The following FCHO2 variants were observed in gnomAD, a reference collection of about 807,000 sequenced individuals.
FCHO2 encodes the protein FCH and mu domain containing endocytic adaptor 2, also known as F-BAR domain only protein 2.
A neutral mutation model predicts 114.1 loss-of-function variants in FCHO2; 43 were observed. The observed-to-expected ratio is 0.38, with a 90% confidence interval of 0.30 to 0.49. The LOEUF (loss-of-function observed/expected upper bound fraction) is 0.49, where lower values mean the gene tolerates loss of function less well. Among genes scored for constraint, FCHO2 ranks in the 20% least tolerant of loss-of-function variants. FCHO2 has a pLI of 0.97. For synonymous variants in FCHO2, 293 were observed against 315.2 expected (o/e 0.93, Z 0.75); for missense variants, 807 against 950.4 (o/e 0.85, Z 1.98).
intron 18 of FCHO2, 106 bp downstream of exon 18, chr5:73,064,050 C>T (rs1757959305): frequency 9.5e-7 from 1 of 1,053,464 alleles, no homozygotes; most frequent in Non-Finnish European, 1.4e-6. Context: ...GTTTTCTACC[C>T]ATGTCCTCAC....
At chr5:73,052,662 G>A in intron 13 of FCHO2, 155 bp downstream of exon 13, 1 of 649,006 alleles carries the variant, frequency 1.5e-6, no homozygotes, top group Non-Finnish European at 2.4e-6. Context: ...TTGTGAATTT[G>A]GCTTAATTTT....
At chr5:73,074,236 G>A (rs533584585) in intron 19 of FCHO2, among the ~76,000 whole-genome samples, 2 of 150,972 alleles carry the variant, frequency 1.3e-5, no homozygotes, top group Non-Finnish European at 2.9e-5. Context: ...CAAATATTGA[G>A]GCAAAGTAAT....
chr5:73,057,426 A>C (rs1247282800), intron 16 of FCHO2, among the ~76,000 whole-genome samples: 6 of 152,142 alleles, frequency 3.9e-5, no homozygotes, highest in Non-Finnish European at 8.8e-5. Context: ...TACGAGGTAT[A>C]GTGTGCTTTC....
chr5:73,009,494 A>G (rs569806510), intron 6 of FCHO2, among the ~76,000 whole-genome samples: 1 of 152,254 alleles, frequency 6.6e-6, no homozygotes, highest in South Asian at 2.1e-4. Context: ...TTTTTCCAAA[A>G]TGGCATTTTA....
At chr5:73,024,483 A>G (rs932618547) in intron 8 of FCHO2, among the ~76,000 whole-genome samples, 6 of 151,048 alleles carry the variant, frequency 4.0e-5, no homozygotes, top group Non-Finnish European at 8.8e-5. Flanking sequence ...TCCGTCGCCC[A>G]GGCTGGAGTG....
At chr5:73,021,111 G>A in intron 8 of FCHO2, 1 of 790,332 alleles carries the variant, frequency 1.3e-6, no homozygotes, top group Non-Finnish European at 2.3e-6. Flanking sequence ...GTGGGTTGAT[G>A]ACAAGTTCTG....
At position 72,956,076 on chromosome 5, in the gene FCHO2, A is replaced by G; in HGVS notation, c.-21A>G. ...AGCGGCGGGCGGGCGCGGACGCGGA[A>G]CCCGGCGCGGCGGCGGCACGATGGT... On this transcript the variant is annotated 5_prime_UTR_variant, in exon 1 of 26. Coordinates refer to ENST00000430046, the MANE Select transcript of FCHO2 (RefSeq NM_138782.3). 2 of 1,539,308 alleles carry G rather than the reference A, an allele frequency of 1.3e-6. No homozygotes were observed. The highest frequency in any genetic ancestry group is 1.8e-6 in the Non-Finnish European group (2 of 1,142,054).
chr5:72,986,341 C>T (rs1463274270), intron 2 of FCHO2, among the ~76,000 whole-genome samples: 2 of 151,922 alleles, frequency 1.3e-5, no homozygotes, highest in African/African-American at 2.4e-5. Context: ...ACTTGAAGGG[C>T]GTGGGATTTT....
chr5:72,959,668 A>G (rs754550177), intron 1 of FCHO2, among the ~76,000 whole-genome samples: 58 of 152,242 alleles, frequency 3.8e-4, no homozygotes, highest in Admixed American at 1.8e-3. Flanking sequence ...TGATAAATAT[A>G]TATGTTTTTC....
chr5:72,998,275 C>G (rs944606330), intron 5 of FCHO2, among the ~76,000 whole-genome samples: 1 of 152,030 alleles, frequency 6.6e-6, no homozygotes, highest in Non-Finnish European at 1.5e-5. Context: ...ATCACGAGGT[C>G]AGGAGATCGA....
At chr5:73,018,914 G>T (rs764415879) in intron 8 of FCHO2, among the ~76,000 whole-genome samples, 59 of 152,118 alleles carry the variant, frequency 3.9e-4, no homozygotes, top group Non-Finnish European at 1.3e-4. Flanking sequence ...AAACAAGCAC[G>T]CAAGCAGTGA....
intron 5 of FCHO2, chr5:72,996,840 CG>C (rs998118941): frequency 2.0e-6 from 2 of 977,344 alleles, no homozygotes; most frequent in Non-Finnish European, 3.1e-6. Context: ...CTCCCGGCAA[CG>C]GGGGGCTGGC....
intron 11 of FCHO2, among the ~76,000 whole-genome samples, chr5:73,044,075 A>G (rs1756939084): frequency 6.6e-6 from 1 of 150,662 alleles, no homozygotes; most frequent in South Asian, 2.1e-4. Flanking sequence ...CTCCCCCTTC[A>G]CTCTCTTCCT....
At chr5:73,006,149 A>G (rs1754703659) in intron 5 of FCHO2, among the ~76,000 whole-genome samples, 1 of 152,186 alleles carries the variant, frequency 6.6e-6, no homozygotes, top group Non-Finnish European at 1.5e-5. Flanking sequence ...ACACTGTAGC[A>G]TTATAATGTA....
At chr5:73,023,870 C>G (rs770273617) in intron 8 of FCHO2, among the ~76,000 whole-genome samples, 43 of 152,144 alleles carry the variant, frequency 2.8e-4, no homozygotes, top group Non-Finnish European at 5.9e-4. Flanking sequence ...GATTGCTGAA[C>G]CCTTATTCAT....
rs910739078 is a variant in FCHO2, at chr5:73,042,213, C to T, written c.939+898C>T. Among the ~76,000 whole-genome samples the T allele has an allele frequency of 7.9e-5, 12 of 152,154 alleles. 1 individual carries two copies. In the South Asian group the frequency reaches 1.7e-3, roughly 21 times the overall value. On this transcript the variant is annotated intron_variant, in intron 11 of 25. Coordinates refer to ENST00000430046, the MANE Select transcript of FCHO2 (RefSeq NM_138782.3). The stretch of plus-strand genomic sequence containing the variant: ...TAAGAAATAGACTTATAATGAGTTA[C>T]GGGGTTAAAACCATCAGTGTATTTT...
intron 3 of FCHO2, 80 bp downstream of exon 3, chr5:72,989,581 C>G: frequency 1.9e-6 from 2 of 1,061,276 alleles, no homozygotes; most frequent in Non-Finnish European, 2.8e-6. Flanking sequence ...GAGGACATAA[C>G]AGTTCAAAAG....
Position 73,018,006 on chromosome 5 carries a change from CTATT to C in FCHO2, c.796+703_796+706del, listed in dbSNP as rs201573864. ...TTACAGTCCTCCAGATTTCTTTAAT[CTATT>C]TATTAGTTACTATATCATGTTCTTG... On this transcript the variant is annotated intron_variant, in intron 8 of 25. Coordinates refer to ENST00000430046, the MANE Select transcript of FCHO2 (RefSeq NM_138782.3). 8.4e-3 allele frequency among the ~76,000 whole-genome samples: 1,277 copies of C among 152,194 alleles called. 17 individuals are homozygous for C. The highest frequency in any genetic ancestry group is 0.029 in the African/African-American group (1,214 of 41,514).
intron 11 of FCHO2, among the ~76,000 whole-genome samples, chr5:73,047,437 G>A (rs1308734197): frequency 1.3e-5 from 2 of 151,124 alleles, no homozygotes; most frequent in Non-Finnish European, 1.5e-5. Flanking sequence ...ATGTATGTTT[G>A]TGTTCTTATT....
Sources: gnomAD v4.1 joint callset for allele counts (sites outside exome capture counted in the v4.1 genomes callset) on GRCh38, gnomAD v4.1.1 for gene constraint, MANE v1.5 for transcripts, NCBI Gene and HGNC (gene_info 2026-07-23, HGNC 2026-07-21) for gene names.